The following MRTO4 variants were observed in gnomAD, a reference collection of about 807,000 sequenced individuals.
MRTO4 encodes the protein MRT4 homolog, ribosome maturation factor.
MRTO4 carries 7 observed loss-of-function variants against 28.6 expected under a neutral mutation model. The ratio of observed to expected loss-of-function variants is 0.24; its 90% CI spans 0.14 to 0.46. MRTO4 has a LOEUF of 0.46. Among genes scored for constraint, MRTO4 ranks in the 20% least tolerant of loss-of-function variants. MRTO4 has a pLI of 0.99. For synonymous variants in MRTO4, 113 were observed against 108.2 expected (o/e 1.04, Z -0.27); for missense variants, 302 against 298.3 (o/e 1.01, Z -0.09).
intron 1 of MRTO4, 32 bp downstream of exon 1, chr1:19,251,895 G>A: frequency 1.9e-6 from 3 of 1,583,052 alleles, no homozygotes; most frequent in South Asian, 1.1e-5. Flanking sequence ...ACCCTGGGGG[G>A]AGCTCCGTGG....
chr1:19,258,926 G>A lies in MRTO4; in HGVS notation c.*96G>A. The A allele has an allele frequency of 7.2e-7, 1 of 1,394,678 alleles. No homozygotes were observed. The allele number at this position is 1,394,678 out of a possible 1,614,324, so 86.4% of individuals were successfully genotyped here. ...CTCTGGAGAGAGCAGCTTTTTATTT[G>A]TCTGTAGACAGGGAACATGATGGGC... On this transcript the variant is annotated 3_prime_UTR_variant, in exon 8 of 8. Transcript: ENST00000330263.
rs377289167 is a variant in MRTO4, at chr1:19,258,760, A to G, written c.650A>G (p.Gln217Arg). The G allele has an allele frequency of 2.3e-5, 37 of 1,614,136 alleles. No individual in the cohort carries two copies. Among genetic ancestry groups the G allele is most frequent in the Non-Finnish European group, 3.0e-5 (35 of 1,180,058 alleles). Residue 217 changes from glutamine to arginine, a missense_variant, in exon 8 of 8, where the codon CAG becomes CGG. Transcript: ENST00000330263. The stretch of plus-strand genomic sequence containing the variant: ...GATTCACAGTCGGGAAGGTTCCAGC[A>G]GATGGGAGACGACTTGCCAGAGAGC... The part of the protein sequence containing the change: ...MWDSQSGRFQ[Q>R]MGDDLPESAS...
At chr1:19,257,419 A>C (rs1406988627) in intron 4 of MRTO4, 35 bp from the exon 5 acceptor site, 1 of 1,612,976 alleles carries the variant, frequency 6.2e-7, no homozygotes, top group Non-Finnish European at 8.5e-7. Flanking sequence ...CCACTGCTCT[A>C]ATGTGACCAA....
At chr1:19,258,133 G>T (rs992450788) in intron 6 of MRTO4, 149 bp downstream of exon 6, 1 of 1,114,376 alleles carries the variant, frequency 9.0e-7, no homozygotes, top group East Asian at 2.6e-5. Flanking sequence ...CCTCACAGTG[G>T]GGGTGAAAGC....
intron 1 of MRTO4, among the ~76,000 whole-genome samples, chr1:19,254,269 C>T (rs1259958086): frequency 6.6e-6 from 1 of 152,190 alleles, no homozygotes; most frequent in Non-Finnish European, 1.5e-5. Flanking sequence ...CCAAAATTAG[C>T]AGGCCATGGT....
intron 2 of MRTO4, 63 bp from the exon 3 acceptor site, chr1:19,255,885 G>T (rs922856622): frequency 4.3e-6 from 6 of 1,384,296 alleles, no homozygotes; most frequent in Non-Finnish European, 5.1e-6. Context: ...TCTCATCTGA[G>T]GCCAGAGTAG....
chr1:19,257,465 G>T lies in MRTO4; in HGVS notation c.285G>T (p.Arg95Ser), dbSNP rs905220669. The T allele has an allele frequency of 6.2e-7, 1 of 1,614,122 alleles. No individual in the cohort carries two copies. The highest frequency in any genetic ancestry group is 1.3e-5 in the African/African-American group (1 of 74,936). The change falls in exon 5 of 8, where the codon AGG becomes AGT. Residue 95 changes from arginine to serine, a missense_variant. Transcript: ENST00000330263. Reference sequence around the variant, plus strand: ...CTCCTGATTTGTAGGTCAGCAAAAGGTTGAGGGGTGAGGTGGGTCTCCTGT... The same window carrying T: ...CTCCTGATTTGTAGGTCAGCAAAAGTTTGAGGGGTGAGGTGGGTCTCCTGT... ...YKDNLHQVSK[R>S]LRGEVGLLFT... is the part of the protein sequence containing the mutation.
chr1:19,257,531 G>C lies in MRTO4; in HGVS notation c.341+10G>C, dbSNP rs776093782. 11 of 1,614,090 alleles carry C rather than the reference G, an allele frequency of 6.8e-6. 1 individual carries two copies. The South Asian group carries it at 1.1e-4, about 16-fold the overall frequency. On this transcript the variant is annotated intron_variant, in intron 5 of 7. Coordinates refer to ENST00000330263, the MANE Select transcript of MRTO4 (RefSeq NM_016183.4). ...AGGAGGAGGTGAATGAGTAAGTACT[G>C]CTGAGGAACGGAGGGAAAGAGGCGG...
At position 19,255,968 on chromosome 1, in the gene MRTO4, C is replaced by T. The variant is rs1312404010; in HGVS notation, c.108C>T (p.Thr36=). Residue 36 remains threonine, a synonymous_variant, in exon 3 of 8, where the codon ACC becomes ACT. Transcript: ENST00000330263. ...CACAGCTTCGGAAATGTGTGGACACCTACAAGTACCTTTTCATCTTCTCTG... is the reference window on the plus strand; with the variant it reads ...CACAGCTTCGGAAATGTGTGGACACTTACAAGTACCTTTTCATCTTCTCTG... The part of the protein sequence containing the change: ...LIEELRKCVD[T]YKYLFIFSVA... The T allele has an allele frequency of 3.1e-6, 5 of 1,614,072 alleles. No homozygotes were observed. The South Asian group carries it at 3.3e-5, about 11-fold the overall frequency.
At chr1:19,252,557 G>A (rs912039433) in intron 1 of MRTO4, among the ~76,000 whole-genome samples, 1 of 152,284 alleles carries the variant, frequency 6.6e-6, no homozygotes, top group Middle Eastern at 3.4e-3. Flanking sequence ...AAATTAGATG[G>A]GCATGGTGGC....
chr1:19,252,111 A>C (rs909671565), intron 1 of MRTO4: 39 of 558,252 alleles, frequency 7.0e-5, no homozygotes, highest in Non-Finnish European at 1.1e-4. Flanking sequence ...TGCAAGGCCA[A>C]CTGGGTCGGG....
chr1:19,252,951 T>C (rs2093665069), intron 1 of MRTO4, among the ~76,000 whole-genome samples: 1 of 150,638 alleles, frequency 6.6e-6, no homozygotes, highest in African/African-American at 2.5e-5. Context: ...GCGCACCTCT[T>C]AAGAGACCGT....
intron 2 of MRTO4, among the ~76,000 whole-genome samples, chr1:19,255,431 T>G (rs1242661244): frequency 6.7e-6 from 1 of 149,904 alleles, no homozygotes; most frequent in East Asian, 1.9e-4. Context: ...GCTGGGAGAT[T>G]TACCAGGTGT....
At chr1:19,257,597 G>A (rs1052571311) in intron 5 of MRTO4, 76 bp downstream of exon 5, 72 of 1,560,022 alleles carry the variant, frequency 4.6e-5, no homozygotes, top group Admixed American at 3.7e-4. Context: ...CAGGAACTTC[G>A]TTCCATATGT....
At chr1:19,257,380 C>T (rs80329141) in intron 4 of MRTO4, 74 bp from the exon 5 acceptor site, 53,155 of 1,543,528 alleles carry the variant, frequency 0.034, 1,037 homozygotes, top group Non-Finnish European at 0.04. Context: ...CAAATGTACC[C>T]GGTGAGCAAA....
rs1290974803 is a variant in MRTO4 at position 19,255,884 on chromosome 1, A to C, written c.88-64A>C. On this transcript the variant is annotated intron_variant, in intron 2 of 7. Transcript: ENST00000330263. ...CCCAGAGCAGATTCATTCTCATCTG[A>C]GGCCAGAGTAGTGCCCGTTGTATGC... 6 of 1,361,292 alleles carry C rather than the reference A, an allele frequency of 4.4e-6. No individual in the cohort carries two copies. The African/African-American group carries it at 8.6e-5, about 19-fold the overall frequency. The allele number at this position is 1,361,292 out of a possible 1,614,324, so 84.3% of individuals were successfully genotyped here. A position where few individuals can be genotyped will look rare whatever the true frequency, so the allele number is the denominator to read the frequency against.
In MRTO4 at chr1:19,257,486, C is replaced by T. The variant is rs750096534; in HGVS notation, c.306C>T (p.Leu102=). 4 of 1,614,216 alleles carry T rather than the reference C, an allele frequency of 2.5e-6. No individual in the cohort carries two copies. In the East Asian group the frequency reaches 6.7e-5, roughly 27 times the overall value. Reference sequence around the variant, plus strand: ...AAAGGTTGAGGGGTGAGGTGGGTCTCCTGTTCACCAACCGCACAAAGGAGG... The same window carrying T: ...AAAGGTTGAGGGGTGAGGTGGGTCTTCTGTTCACCAACCGCACAAAGGAGG... The part of the protein sequence containing the change: ...VSKRLRGEVG[L]LFTNRTKEEV... Residue 102 remains leucine, a synonymous_variant, in exon 5 of 8, where the codon CTC becomes CTT. Transcript: ENST00000330263.
At chr1:19,255,390 G>A (rs1021167644) in intron 2 of MRTO4, among the ~76,000 whole-genome samples, 1 of 125,378 alleles carries the variant, frequency 8.0e-6, no homozygotes, top group Admixed American at 7.6e-5. Flanking sequence ...GCAACAGAGT[G>A]AGACCCTGTC....
At chr1:19,257,247 C>G (rs1018836731) in intron 4 of MRTO4, 102 bp downstream of exon 4, 7 of 1,298,820 alleles carry the variant, frequency 5.4e-6, no homozygotes, top group Non-Finnish European at 7.7e-6. Context: ...GCCGGAGGCT[C>G]AGGGAGAGCA....
Sources: gnomAD v4.1 joint callset for allele counts (sites outside exome capture counted in the v4.1 genomes callset) on GRCh38, gnomAD v4.1.1 for gene constraint, MANE v1.5 for transcripts, NCBI Gene and HGNC (gene_info 2026-07-23, HGNC 2026-07-21) for gene names.